PLCB2: variants seen among roughly 807,000 people sequenced by gnomAD.
The protein encoded by PLCB2 is phospholipase C beta 2, also known as 1-phosphatidylinositol 4,5-bisphosphate phosphodiesterase beta-2.
PLCB2 carries 115 observed loss-of-function variants against 141.7 expected under a neutral mutation model. The ratio of observed to expected loss-of-function variants is 0.81; its 90% confidence interval spans 0.70 to 0.95. The LOEUF is 0.95. Ranked by LOEUF, PLCB2 falls within the 40% of genes least tolerant of loss-of-function variation. PLCB2 has a pLI of 0.00. For synonymous variants in PLCB2, 603 were observed against 595.6 expected, an observed-to-expected ratio of 1.01 and a Z score of -0.18; for missense variants, 1,403 against 1,541.1, an observed-to-expected ratio of 0.91 and a Z score of 1.50.
chr15:40,294,539 G>T, intron 18 of PLCB2, 119 bp from the exon 19 acceptor site: 1 of 996,372 alleles, frequency 1.0e-6, no homozygotes, highest in Non-Finnish European at 1.5e-6. Flanking sequence ...GGACCGTGAG[G>T]ATGAGGGCTT....
At chr15:40,300,755 C>T (rs1352186975) in intron 7 of PLCB2, 1 of 151,934 alleles carries the variant, frequency 6.6e-6, no homozygotes, top group Non-Finnish European at 1.5e-5. Flanking sequence ...TTCAGGGATT[C>T]TGCACCTTTG....
chr15:40,296,272 C>G, intron 16 of PLCB2, 24 bp downstream of exon 16: 1 of 1,574,050 alleles, frequency 6.4e-7, no homozygotes, highest in Non-Finnish European at 8.7e-7. Context: ...CTTACCCACC[C>G]GTAAGTTACT....
In PLCB2 at chr15:40,295,023, C is replaced by T; in HGVS notation, c.1819G>A (p.Gly607Arg). 4 of 1,613,886 alleles carry T rather than the reference C, an allele frequency of 2.5e-6. No homozygotes were observed. Among genetic ancestry groups the T allele is most frequent in the Non-Finnish European group, 3.4e-6 (4 of 1,179,850 alleles). ...TAGTTGGAGGAGTCCATGCGGGTTC[C>T]CTTGGGGTAAATGCGGCTCATCTGG... Reference protein sequence around the residue: ...KRQMSRIYPKGTRMDSSNYMP... With the variant: ...KRQMSRIYPKRTRMDSSNYMP... The change falls in exon 18 of 32, where the codon GGA (glycine) becomes AGA (arginine). Residue 607 changes from glycine to arginine, a missense_variant. This residue lies in a region of PLCB2 where 975 missense variants were observed against 1,141.1 expected (regional missense o/e 0.85). Coordinates refer to ENST00000260402, the MANE Select transcript of PLCB2 (RefSeq NM_004573.3).
chr15:40,288,254 C>G lies in PLCB2; in HGVS notation c.*461G>C. The G allele has an allele frequency of 1.0e-6, 1 of 987,610 alleles. No individual in the cohort carries two copies. Among genetic ancestry groups the G allele is most frequent in the Non-Finnish European group, 1.2e-6 (1 of 831,496 alleles). 61.2% of individuals were successfully genotyped at this position (987,610 alleles called of 1,614,324 possible). A position where few individuals can be genotyped will look rare whatever the true frequency, so the allele number is the denominator to read the frequency against. ...GCCAGGATCTGCCTCAAGGAGTGGACAAGGCCAACTCAGGGCAGGCCTGAT... is the reference window on the plus strand; with the variant it reads ...GCCAGGATCTGCCTCAAGGAGTGGAGAAGGCCAACTCAGGGCAGGCCTGAT... On this transcript the variant is annotated 3_prime_UTR_variant, in exon 32 of 32. Transcript: ENST00000260402.
intron 7 of PLCB2, chr15:40,301,312 G>A: frequency 1.9e-6 from 1 of 539,140 alleles, no homozygotes; most frequent in South Asian, 2.4e-5. Flanking sequence ...CAGGGACAGG[G>A]GCTGAGATTC....
At position 40,298,925 on chromosome 15, in the gene PLCB2, C is replaced by T. The variant is rs369935530; in HGVS notation, c.723G>A (p.Leu241=). Residue 241 remains leucine (L), a synonymous_variant, in exon 9 of 32, where the codon CTG becomes CTA. Transcript: ENST00000260402. ...GCTGTTTCTGGTTGATGAATTTGGT[C>T]AGGTGCTCCTTCGTCATGTAGGGTT... The part of the protein sequence containing the change: ...KAKPYMTKEH[L]TKFINQKQRD... 5 of 1,608,758 alleles carry T rather than the reference C, an allele frequency of 3.1e-6. No homozygotes were observed. Among genetic ancestry groups the T allele is most frequent in the African/African-American group, 2.7e-5 (2 of 75,044 alleles).
chr15:40,297,815 C>G lies in PLCB2; in HGVS notation c.1238+62G>C. 1 of 1,309,326 alleles carries G rather than the reference C, an allele frequency of 7.6e-7. No homozygotes were observed. The highest frequency in any genetic ancestry group is 2.3e-5 in the East Asian group (1 of 43,232). 81.1% of individuals were successfully genotyped at this position (1,309,326 alleles called of 1,614,324 possible). On this transcript the variant is annotated intron_variant, in intron 12 of 31. Transcript: ENST00000260402. This position sits in a 1 kb window ranked among gnomAD's most constrained non-coding sequence, Gnocchi z 4.2. ...GAGGCTGGGGCAGTTGTGGGGAGGA[C>G]AGTTGCAGACAGGAGACTGGGGGCT...
intron 19 of PLCB2, among the ~76,000 whole-genome samples, chr15:40,293,987 C>G (rs2040066614): frequency 6.6e-6 from 1 of 152,208 alleles, no homozygotes; most frequent in South Asian, 2.1e-4. Flanking sequence ...TGCCTTCCCC[C>G]AGGACCTGGG....
Position 40,297,140 on chromosome 15 carries a change from A to C in PLCB2, c.1324-232T>G, listed in dbSNP as rs897553254. ...GAGTATGGGACCCTGGCCCAAGGCC[A>C]TCTGCACCAGGAGGACCTAACAGGC... On this transcript the variant is annotated intron_variant, in intron 13 of 31. Transcript: ENST00000260402. This position sits in a 1 kb window ranked among gnomAD's most constrained non-coding sequence, Gnocchi z 4.2. Among the ~76,000 whole-genome samples, 1 of 151,444 alleles carries C rather than the reference A, an allele frequency of 6.6e-6. No individual in the cohort carries two copies. Among genetic ancestry groups the C allele is most frequent in the Non-Finnish European group, 1.5e-5 (1 of 67,856 alleles).
chr15:40,293,675 T>C lies in PLCB2; in HGVS notation c.2111A>G (p.Glu704Gly). The C allele has an allele frequency of 1.2e-6, 2 of 1,614,084 alleles. No individual in the cohort carries two copies. ...CCCAGGAAGGCCAAACAGCTCCACT[T>C]CTACATAGGTGCGCACGCTGCGTTC... The part of the protein sequence containing the change: ...LSERSVRTYV[E>G]VELFGLPGDP... Residue 704 changes from glutamate to glycine, a missense_variant, in exon 20 of 32, where the codon GAA becomes GGA. Transcript: ENST00000260402.
chr15:40,296,359 C>T lies in PLCB2; in HGVS notation c.1633G>A (p.Glu545Lys), dbSNP rs1178191236. The T allele has an allele frequency of 1.2e-6, 2 of 1,613,810 alleles. No individual in the cohort carries two copies. Among genetic ancestry groups the T allele is most frequent in the East Asian group, 2.2e-5 (1 of 44,872 alleles). ...TAGLEVTAYE[E>K]MSSLVNYIQP... ...ATGTAATTGACTAGGCTGGACATCTCCTCATAAGCCGTCACTTCCAGGCCC... is the reference window on the plus strand; with the variant it reads ...ATGTAATTGACTAGGCTGGACATCTTCTCATAAGCCGTCACTTCCAGGCCC... The change falls in exon 16 of 32, where the codon GAG (glutamate) becomes AAG (lysine). Residue 545 changes from glutamate (E) to lysine (K), a missense_variant. By Grantham distance (56) the Glu-to-Lys change is moderately conservative (BLOSUM62 1). Around this residue, in one of 4 missense-constraint regions of PLCB2, gnomAD observed 975 missense variants for 1,141.1 expected, o/e 0.85. Coordinates refer to ENST00000260402, the MANE Select transcript of PLCB2 (RefSeq NM_004573.3).
rs923087987 is a variant in PLCB2 at position 40,296,981 on chromosome 15, A to T, written c.1324-73T>A. Reference sequence around the variant, plus strand: ...TAGCCTGAGCTCCTTATTACCAGGCATGCTCCCTCGGCCTCCCCCACTCCT... The same window carrying T: ...TAGCCTGAGCTCCTTATTACCAGGCTTGCTCCCTCGGCCTCCCCCACTCCT... On this transcript the variant is annotated intron_variant, in intron 13 of 31. Coordinates refer to ENST00000260402, the MANE Select transcript of PLCB2 (RefSeq NM_004573.3). 63 of 1,510,732 alleles carry T rather than the reference A, an allele frequency of 4.2e-5. No homozygotes were observed. The African/African-American group carries it at 7.9e-4, about 19-fold the overall frequency. The allele number at this position is 1,510,732 out of a possible 1,614,324, so 93.6% of individuals were successfully genotyped here. A position where few individuals can be genotyped will look rare whatever the true frequency, so the allele number is the denominator to read the frequency against.
intron 16 of PLCB2, among the ~76,000 whole-genome samples, chr15:40,295,898 T>C (rs1372051740): frequency 1.3e-5 from 2 of 152,072 alleles, no homozygotes; most frequent in Non-Finnish European, 2.9e-5. Flanking sequence ...GGGCTGTCCA[T>C]GAAAGGGGAA....
intron 30 of PLCB2, 53 bp downstream of exon 30, chr15:40,289,962 AGAGAGAGTGT>A (rs1277194609): frequency 2.2e-4 from 137 of 618,266 alleles, no homozygotes; most frequent in Middle Eastern, 1.2e-3. Context: ...AGAGAGAGAG[AGAGAGAGTGT>A]GTGTGTGTGT....
rs1236073709 is a variant in PLCB2 at position 40,288,085 on chromosome 15, C to A, written c.*630G>T. ...GTGAGCCAGGGTCAGGGTGGAACAG[C>A]ACCCAAGAGCCCACTGCCCCTTGTG... On this transcript the variant is annotated 3_prime_UTR_variant, in exon 32 of 32. Coordinates refer to ENST00000260402, the MANE Select transcript of PLCB2 (RefSeq NM_004573.3). The A allele has an allele frequency of 2.0e-6, 2 of 985,364 alleles. No homozygotes were observed. The highest frequency in any genetic ancestry group is 2.4e-6 in the Non-Finnish European group (2 of 829,950). The allele number at this position is 985,364 out of a possible 1,614,324, so 61.0% of individuals were successfully genotyped here.
At chr15:40,294,470 C>A in intron 18 of PLCB2, 50 bp from the exon 19 acceptor site, 1 of 1,597,324 alleles carries the variant, frequency 6.3e-7, no homozygotes, top group South Asian at 1.1e-5. Flanking sequence ...TGGGGCTGTG[C>A]CCAGTCTCCA....
At position 40,298,396 on chromosome 15, in the gene PLCB2, G is replaced by A; in HGVS notation, c.998-16C>T. On this transcript the variant is annotated splice_polypyrimidine_tract_variant and intron_variant, in intron 10 of 31. Transcript: ENST00000260402. Reference sequence around the variant, plus strand: ...AACTGGCCGGCTGAGCCAGAGGATGGGGAAGAGGTGAGGGCATCACCCAAA... The same window carrying A: ...AACTGGCCGGCTGAGCCAGAGGATGAGGAAGAGGTGAGGGCATCACCCAAA... 3 of 1,576,828 alleles carry A rather than the reference G, an allele frequency of 1.9e-6. No individual in the cohort carries two copies. Among genetic ancestry groups the A allele is most frequent in the South Asian group, 1.2e-5 (1 of 85,196 alleles).
chr15:40,285,609 C>A, downstream of PLCB2: 1 of 985,152 alleles, frequency 1.0e-6, no homozygotes, highest in Non-Finnish European at 1.2e-6. Flanking sequence ...AGACTCTCCA[C>A]CCCCAGTAAC....
intron 2 of PLCB2, chr15:40,303,757 G>T (rs899036776): frequency 5.7e-6 from 3 of 521,798 alleles, no homozygotes; most frequent in Non-Finnish European, 1.0e-5. Context: ...CAGTGCTTTC[G>T]CCTGTCTCTC....
Sources: allele counts gnomAD v4.1 joint callset (sites outside exome capture counted in the v4.1 genomes callset), GRCh38; gene constraint gnomAD v4.1.1; regional missense constraint gnomAD v4.1.1; non-coding constraint Gnocchi (gnomAD v3.1); transcripts MANE v1.5; gene names NCBI Gene and HGNC (gene_info 2026-07-23, HGNC 2026-07-21).